TDRD7: variants seen among roughly 807,000 people sequenced by gnomAD.
TDRD7 encodes the protein tudor domain containing 7.
In TDRD7, 47 loss-of-function variants were observed where a neutral mutation model predicts 109.8. The ratio of observed to expected loss-of-function variants is 0.43; its 90% CI spans 0.34 to 0.55. The LOEUF is 0.55. Ranked by LOEUF, TDRD7 falls within the 20% of genes least tolerant of loss-of-function variation. TDRD7 has a pLI of 0.03. For synonymous variants in TDRD7, 424 were observed against 457.3 expected (o/e 0.93, Z 0.93); for missense variants, 1,164 against 1,319.2 (o/e 0.88, Z 1.82).
rs1025268386 is a variant in TDRD7, at chr9:97,475,543, A to T, written c.2166+74A>T. ...TTCAAATATACACATAGGTTTTTTTAAAAAATTGAATAAATACTCACAGAC... is the reference window on the plus strand; with the variant it reads ...TTCAAATATACACATAGGTTTTTTTTAAAAATTGAATAAATACTCACAGAC... On this transcript the variant is annotated intron_variant, in intron 12 of 16. Transcript: ENST00000355295. 17 of 1,048,574 alleles carry T rather than the reference A, an allele frequency of 1.6e-5. No homozygotes were observed. The African/African-American group carries it at 1.8e-4, about 11-fold the overall frequency. 65.0% of individuals were successfully genotyped at this position (1,048,574 alleles called of 1,614,324 possible). A position where few individuals can be genotyped will look rare whatever the true frequency, so the allele number is the denominator to read the frequency against.
chr9:97,455,851 G>A (rs1045504149), intron 6 of TDRD7, among the ~76,000 whole-genome samples: 2 of 152,162 alleles, frequency 1.3e-5, no homozygotes, highest in African/African-American at 4.8e-5. Context: ...AAGAAATAAA[G>A]GGTATTCAAA....
rs1564210611 is a variant in TDRD7 at position 97,472,463 on chromosome 9, A to G, written c.1912A>G (p.Ile638Val). 6.2e-7 allele frequency: 1 copy of G among 1,613,820 alleles called. No homozygotes were observed. The highest frequency in any genetic ancestry group is 1.7e-5 in the Admixed American group (1 of 59,996). ...TATCAATGCCACCTGCTTGAAGGCT[A>G]TATGTGACAAGTCACTAGAGGTTCA... ...ININATCLKA[I>V]CDKSLEVHLQ... The change falls in exon 10 of 17, where the codon ATA becomes GTA. Residue 638 changes from isoleucine (I) to valine (V), a missense_variant. This residue lies in a region of TDRD7 where 261 missense variants were observed against 336.2 expected (regional missense o/e 0.78). Coordinates refer to ENST00000355295, the MANE Select transcript of TDRD7 (RefSeq NM_014290.3).
chr9:97,445,687 G>A (rs1336909472), intron 6 of TDRD7, among the ~76,000 whole-genome samples: 1 of 152,194 alleles, frequency 6.6e-6, no homozygotes, highest in Non-Finnish European at 1.5e-5. Flanking sequence ...TCAGTAAGAA[G>A]AGAGTTGCTC....
chr9:97,452,165 G>A (rs1303463842), intron 6 of TDRD7, among the ~76,000 whole-genome samples: 2 of 152,284 alleles, frequency 1.3e-5, no homozygotes, highest in African/African-American at 2.4e-5. Context: ...AGTGAGTCGA[G>A]ATTGCGCCAC....
intron 6 of TDRD7, among the ~76,000 whole-genome samples, chr9:97,458,306 T>C (rs572537018): frequency 6.6e-6 from 1 of 152,190 alleles, no homozygotes; most frequent in African/African-American, 2.4e-5. Context: ...CATTCACTTA[T>C]AATGCTGTTT....
Position 97,480,855 on chromosome 9 carries a change from C to G in TDRD7, c.2329C>G (p.Pro777Ala). 6.2e-7 allele frequency: 1 copy of G among 1,613,978 alleles called. No homozygotes were observed. The highest frequency in any genetic ancestry group is 2.2e-5 in the East Asian group (1 of 44,888). The change falls in exon 14 of 17, where the codon CCA becomes GCA. Residue 777 changes from proline to alanine, a missense_variant. Physicochemically the swap from Pro to Ala is conservative, Grantham distance 27 (BLOSUM62 -1). Coordinates refer to ENST00000355295, the MANE Select transcript of TDRD7 (RefSeq NM_014290.3). ...QAIKCCLADL[P>A]QSIGMWTPDA... ...CATTAAGTGCTGTTTAGCAGATCTT[C>G]CACAATCTATTGGCATGTGGACACC...
chr9:97,413,884 T>C (rs1827766992), intron 1 of TDRD7, among the ~76,000 whole-genome samples: 1 of 152,230 alleles, frequency 6.6e-6, no homozygotes, highest in South Asian at 2.1e-4. Flanking sequence ...TGAACATGGC[T>C]GAATGAACTA....
chr9:97,415,758 A>G (rs1454532476), intron 1 of TDRD7, among the ~76,000 whole-genome samples: 1 of 152,200 alleles, frequency 6.6e-6, no homozygotes, highest in Non-Finnish European at 1.5e-5. Flanking sequence ...GCGCCACTGC[A>G]CTCCAGTTGA....
At chr9:97,458,470 A>C (rs1828657216) in intron 6 of TDRD7, among the ~76,000 whole-genome samples, 1 of 152,176 alleles carries the variant, frequency 6.6e-6, no homozygotes, top group South Asian at 2.1e-4. Context: ...TAGACTAACC[A>C]TCAAGAGAAA....
chr9:97,435,097 G>A (rs1197423660), intron 4 of TDRD7, among the ~76,000 whole-genome samples: 1 of 152,116 alleles, frequency 6.6e-6, no homozygotes, highest in Non-Finnish European at 1.5e-5. Flanking sequence ...TATGTTGATT[G>A]TACTGGTGGG....
At chr9:97,441,369 A>G (rs913832037) in intron 5 of TDRD7, among the ~76,000 whole-genome samples, 6 of 152,188 alleles carry the variant, frequency 3.9e-5, no homozygotes, top group African/African-American at 1.4e-4. Context: ...TTCTTTATGT[A>G]GCAAGATCAT....
chr9:97,425,134 A>G (rs1026789421), intron 1 of TDRD7, among the ~76,000 whole-genome samples: 1 of 151,914 alleles, frequency 6.6e-6, no homozygotes, highest in Non-Finnish European at 1.5e-5. Flanking sequence ...ATTTTTTTGG[A>G]TGATGGGAAT....
At position 97,495,983 on chromosome 9, in the gene TDRD7, T is replaced by C. The variant is rs903416289; in HGVS notation, c.*100T>C. 4.4e-6 allele frequency: 4 copies of C among 915,024 alleles called. No individual in the cohort carries two copies. In the South Asian group the frequency reaches 5.4e-5, roughly 12 times the overall value. The allele number at this position is 915,024 out of a possible 1,614,324, so 56.7% of individuals were successfully genotyped here. A position where few individuals can be genotyped will look rare whatever the true frequency, so the allele number is the denominator to read the frequency against. The stretch of plus-strand genomic sequence containing the variant: ...CTTAACTCTGCTACATGGCTCTGAC[T>C]GCTGTGGGGGATTGAAAAGAATATG... On this transcript the variant is annotated 3_prime_UTR_variant, in exon 17 of 17. Coordinates refer to ENST00000355295, the MANE Select transcript of TDRD7 (RefSeq NM_014290.3).
chr9:97,471,336 T>G lies in TDRD7; in HGVS notation c.1741+667T>G, dbSNP rs547512802. On this transcript the variant is annotated intron_variant, in intron 9 of 16. Coordinates refer to ENST00000355295, the MANE Select transcript of TDRD7 (RefSeq NM_014290.3). ...ATAATTATTTCATGAAAATTAGTAC[T>G]CTGAAGAAATGCCTCCTTCCCAGTG... Among the ~76,000 whole-genome samples the G allele has an allele frequency of 4.3e-4, 66 of 152,288 alleles. 1 individual carries two copies. The South Asian group carries it at 0.013, about 30-fold the overall frequency.
rs1587866725 is a variant in TDRD7 at position 97,439,134 on chromosome 9, G to C, written c.564-111G>C. On this transcript the variant is annotated intron_variant, in intron 4 of 16. Transcript: ENST00000355295. ...TGATTTTAAATTATTTTAATGACTTGTTTTGCTGTTAAATGCCACTGAGAC... is the reference window on the plus strand; with the variant it reads ...TGATTTTAAATTATTTTAATGACTTCTTTTGCTGTTAAATGCCACTGAGAC... 4.7e-6 allele frequency: 3 copies of C among 634,070 alleles called. No individual in the cohort carries two copies. The East Asian group carries it at 9.8e-5, about 21-fold the overall frequency. 39.3% of individuals were successfully genotyped at this position (634,070 alleles called of 1,614,324 possible).
At chr9:97,428,718 AT>A (rs764891241) in intron 2 of TDRD7, 46 bp downstream of exon 2, 2 of 1,575,262 alleles carry the variant, frequency 1.3e-6, no homozygotes, top group South Asian at 2.2e-5. Flanking sequence ...CCAATTCATA[AT>A]TGCCTCTCTG....
chr9:97,433,014 A>G (rs932002222), intron 4 of TDRD7, among the ~76,000 whole-genome samples: 2 of 152,188 alleles, frequency 1.3e-5, no homozygotes, highest in Non-Finnish European at 2.9e-5. Flanking sequence ...CCAAAAATCC[A>G]CTGGTGGACC....
Position 97,470,635 on chromosome 9 carries a change from A to G in TDRD7, c.1707A>G (p.Ser569=). The change falls in exon 9 of 17, where the codon TCA becomes TCG. Residue 569 remains serine, a synonymous_variant. Coordinates refer to ENST00000355295, the MANE Select transcript of TDRD7 (RefSeq NM_014290.3). ...ACAAATTAAACCCGAAGTTTTGTTC[A>G]CTCTCATTTCAAGCTACAAAATGTA... is the stretch of plus-strand genomic sequence containing the variant. ...KAYKLNPKFC[S]LSFQATKCKL... The G allele has an allele frequency of 1.2e-6, 2 of 1,613,928 alleles. No homozygotes were observed. The highest frequency in any genetic ancestry group is 2.2e-5 in the South Asian group (2 of 91,076).
At position 97,432,006 on chromosome 9, in the gene TDRD7, T is replaced by C. The variant is rs777170932; in HGVS notation, c.350-19T>C. 2.5e-6 allele frequency: 4 copies of C among 1,611,636 alleles called. No individual in the cohort carries two copies. Among genetic ancestry groups the C allele is most frequent in the African/African-American group, 1.3e-5 (1 of 74,962 alleles). ...TTGGGGATGCTAATTGATTTCGTTA[T>C]GTATGCCTAACTTCATAGGAAAACC... On this transcript the variant is annotated intron_variant, in intron 3 of 16. Transcript: ENST00000355295.
Sources: allele counts gnomAD v4.1 joint callset (sites outside exome capture counted in the v4.1 genomes callset), GRCh38; gene constraint gnomAD v4.1.1; regional missense constraint gnomAD v4.1.1; transcripts MANE v1.5; gene names NCBI Gene and HGNC (gene_info 2026-07-23, HGNC 2026-07-21).